Variants in ULBP1 observed in about 807,000 individuals in gnomAD.
ULBP1 encodes UL16 binding protein 1.
A neutral mutation model predicts 25.3 loss-of-function variants in ULBP1; 28 were observed. The observed-to-expected ratio is 1.10, with a 90% CI of 0.82 to 1.51. The LOEUF is 1.51. Ranked by LOEUF, ULBP1 falls within the 40% of genes most tolerant of loss-of-function variation. The pLI is 0.00. For synonymous variants in ULBP1, 129 were observed against 103.0 expected, an observed-to-expected ratio of 1.25 and a Z score of -1.53; for missense variants, 348 against 290.9, an observed-to-expected ratio of 1.20 and a Z score of -1.43.
chr6:149,973,302 G>A lies in ULBP1; in HGVS notation c.*1956G>A, dbSNP rs567029329. 6.6e-6 allele frequency: 1 copy of A among 152,296 alleles called. No homozygotes were observed. Among genetic ancestry groups the A allele is most frequent in the Non-Finnish European group, 1.5e-5 (1 of 68,036 alleles). The allele number at this position is 152,296 out of a possible 1,614,324, so 9.4% of individuals were successfully genotyped here. A position where few individuals can be genotyped will look rare whatever the true frequency, so the allele number is the denominator to read the frequency against. On this transcript the variant is annotated 3_prime_UTR_variant, in exon 5 of 5. Coordinates refer to ENST00000229708, the MANE Select transcript of ULBP1 (RefSeq NM_025218.4). Reference sequence around the variant, plus strand: ...TAAATTCGCATGAACCACAGATGCTGGAGATCACCAGACCGGGGAGAGAAG... The same window carrying A: ...TAAATTCGCATGAACCACAGATGCTAGAGATCACCAGACCGGGGAGAGAAG...
Position 149,973,529 on chromosome 6 carries a change from T to C in ULBP1, c.*2183T>C, listed in dbSNP as rs1043401792. Reference sequence around the variant, plus strand: ...AAGGCCAAAAACAAATGGGTTTAACTGACCAGAGCGAGAGAACTCTGCACT... The same window carrying C: ...AAGGCCAAAAACAAATGGGTTTAACCGACCAGAGCGAGAGAACTCTGCACT... On this transcript the variant is annotated 3_prime_UTR_variant, in exon 5 of 5. Coordinates refer to ENST00000229708, the MANE Select transcript of ULBP1 (RefSeq NM_025218.4). 3 of 152,202 alleles carry C rather than the reference T, an allele frequency of 2.0e-5. No homozygotes were observed. Among genetic ancestry groups the C allele is most frequent in the African/African-American group, 7.2e-5 (3 of 41,448 alleles). 9.4% of individuals were successfully genotyped at this position (152,202 alleles called of 1,614,324 possible). A position where few individuals can be genotyped will look rare whatever the true frequency, so the allele number is the denominator to read the frequency against.
At chr6:149,966,433 G>A (rs1209942905) in intron 1 of ULBP1, among the ~76,000 whole-genome samples, 1 of 152,140 alleles carries the variant, frequency 6.6e-6, no homozygotes, top group Admixed American at 6.5e-5. Context: ...TGTGAATGGA[G>A]GTCCTATGGT....
intron 1 of ULBP1, among the ~76,000 whole-genome samples, chr6:149,966,370 C>G (rs1779204785): frequency 6.6e-6 from 1 of 152,018 alleles, no homozygotes; most frequent in Non-Finnish European, 1.5e-5. Context: ...GTTGAAGAGT[C>G]ACAAGTGTGT....
intron 1 of ULBP1, among the ~76,000 whole-genome samples, chr6:149,964,814 C>A (rs1267913503): frequency 3.2e-5 from 4 of 125,982 alleles, no homozygotes; most frequent in African/African-American, 8.9e-5. Context: ...ACATCGTGAT[C>A]CCCCCCGAAC....
intron 3 of ULBP1, among the ~76,000 whole-genome samples, chr6:149,969,581 C>CTG (rs1779275497): frequency 6.6e-6 from 1 of 152,140 alleles, no homozygotes; most frequent in Admixed American, 6.5e-5. Flanking sequence ...GCTCTACCCA[C>CTG]CGCATTTCTC....
In ULBP1 at chr6:149,965,171, CCTCCCCGAACATCGCG is replaced by C. The variant is rs1562493191; in HGVS notation, c.85+1038_85+1053del. ...ATCGCGATCCCCCAGAACATCGCGGCCTCCCCGAACATCGCGGTCTCCCCGAACATCGCGATCCCCC... is the reference window on the plus strand; with the variant it reads ...ATCGCGATCCCCCAGAACATCGCGGCGTCTCCCCGAACATCGCGATCCCCC... On this transcript the variant is annotated intron_variant, in intron 1 of 4. Coordinates refer to ENST00000229708, the MANE Select transcript of ULBP1 (RefSeq NM_025218.4). Among the ~76,000 whole-genome samples, 4 of 80,204 alleles carry C rather than the reference CCTCCCCGAACATCGCG, an allele frequency of 5.0e-5. No homozygotes were observed. The African/African-American group carries it at 5.4e-4, about 11-fold the overall frequency. The allele number at this position is 80,204 out of a possible 152,430, so 52.6% of individuals were successfully genotyped here.
At chr6:149,969,688 G>A (rs61158421) in intron 3 of ULBP1, among the ~76,000 whole-genome samples, 2 of 151,952 alleles carry the variant, frequency 1.3e-5, no homozygotes, top group Non-Finnish European at 2.9e-5. Flanking sequence ...TCCCCTCATC[G>A]GTTTCTGTAA....
Position 149,969,072 on chromosome 6 carries a change from T to C in ULBP1, c.350-13T>C, listed in dbSNP as rs576180798. 4.8e-4 allele frequency: 767 copies of C among 1,613,222 alleles called. 8 individuals carry two copies. In the South Asian group the frequency reaches 5.6e-3, roughly 12 times the overall value. ...TTGTCAAGATCAGAGCTGATCTCTT[T>C]GCAATGGGGCAGAGCCCCTCACCCT... On this transcript the variant is annotated splice_polypyrimidine_tract_variant and intron_variant, in intron 2 of 4. Transcript: ENST00000229708.
chr6:149,971,307 C>T, intron 4 of ULBP1, 62 bp from the exon 5 acceptor site: 2 of 982,914 alleles, frequency 2.0e-6, no homozygotes, highest in Non-Finnish European at 2.4e-6. Flanking sequence ...GGAAGGATCA[C>T]CCAGGAGAAC....
intron 1 of ULBP1, 98 bp downstream of exon 1, chr6:149,964,232 G>T (rs537143763): frequency 1.5e-6 from 2 of 1,359,828 alleles, no homozygotes; most frequent in African/African-American, 3.0e-5. Context: ...TGGAAGGACC[G>T]GCGCGATCTC....
rs1779315215 is a variant in ULBP1 at position 149,971,393 on chromosome 6, C to G, written c.*47C>G. ...GGTGGAAAGTGATATCAAGAAGCCT[C>G]TGTTAGCCTGGTCTGGGTCCTGCTC... On this transcript the variant is annotated 3_prime_UTR_variant, in exon 5 of 5. Coordinates refer to ENST00000229708, the MANE Select transcript of ULBP1 (RefSeq NM_025218.4). 2 of 985,418 alleles carry G rather than the reference C, an allele frequency of 2.0e-6. No individual in the cohort carries two copies. Among genetic ancestry groups the G allele is most frequent in the Non-Finnish European group, 2.4e-6 (2 of 829,942 alleles). The allele number at this position is 985,418 out of a possible 1,614,324, so 61.0% of individuals were successfully genotyped here.
At position 149,969,226 on chromosome 6, in the gene ULBP1, G is replaced by A. The variant is rs1166497462; in HGVS notation, c.491G>A (p.Gly164Glu). ...AGAAAGTGGACAGCACTTCATCCTG[G>A]AGCCAAGAAGATGACAGAGAAGTGG... is the stretch of plus-strand genomic sequence containing the variant. ...NNRKWTALHP[G>E]AKKMTEKWEK... is the part of the protein sequence containing the mutation. The change falls in exon 3 of 5, where the codon GGA becomes GAA. Residue 164 changes from glycine to glutamate, a missense_variant. Physicochemically the swap from Gly to Glu is moderately conservative, Grantham distance 98. Coordinates refer to ENST00000229708, the MANE Select transcript of ULBP1 (RefSeq NM_025218.4). The A allele has an allele frequency of 1.2e-6, 2 of 1,614,226 alleles. No individual in the cohort carries two copies. The highest frequency in any genetic ancestry group is 1.1e-5 in the South Asian group (1 of 91,082).
At chr6:149,968,915 A>G in intron 2 of ULBP1, 45 bp downstream of exon 2, 1 of 1,582,256 alleles carries the variant, frequency 6.3e-7, no homozygotes, top group Non-Finnish European at 8.6e-7. Flanking sequence ...AGTAACTTAG[A>G]GTCATTTATT....
At chr6:149,969,949 G>A in intron 3 of ULBP1, 67 bp from the exon 4 acceptor site, 1 of 1,543,010 alleles carries the variant, frequency 6.5e-7, no homozygotes, top group Non-Finnish European at 8.8e-7. Flanking sequence ...GGTGGCAGGA[G>A]CTGAGGAGAC....
At chr6:149,966,687 G>C (rs1217413177) in intron 1 of ULBP1, among the ~76,000 whole-genome samples, 1 of 152,076 alleles carries the variant, frequency 6.6e-6, no homozygotes, top group Non-Finnish European at 1.5e-5. Context: ...ATGACCTAAA[G>C]GGTGAGGAGC....
intron 4 of ULBP1, among the ~76,000 whole-genome samples, chr6:149,970,660 G>T (rs1482447169): frequency 1.3e-5 from 2 of 152,228 alleles, no homozygotes; most frequent in African/African-American, 2.4e-5. Flanking sequence ...AAGCAGCTCG[G>T]GTCCCAGCAG....
chr6:149,970,733 T>C (rs1779299257), intron 4 of ULBP1, among the ~76,000 whole-genome samples: 1 of 152,244 alleles, frequency 6.6e-6, no homozygotes, highest in Non-Finnish European at 1.5e-5. Context: ...GCCAGGCCCC[T>C]TGGACCCATG....
In ULBP1 at chr6:149,964,035, A is replaced by G. The variant is rs200205009; in HGVS notation, c.-15A>G. 5 of 1,613,572 alleles carry G rather than the reference A, an allele frequency of 3.1e-6. No homozygotes were observed. Among genetic ancestry groups the G allele is most frequent in the Non-Finnish European group, 4.2e-6 (5 of 1,179,892 alleles). ...AACCATCAGCGCCTCCTGTCCACGG[A>G]GCTCCAGGTCTACAATGGCAGCGGC... is the stretch of plus-strand genomic sequence containing the variant. On this transcript the variant is annotated 5_prime_UTR_variant, in exon 1 of 5. Coordinates refer to ENST00000229708, the MANE Select transcript of ULBP1 (RefSeq NM_025218.4).
At position 149,965,357 on chromosome 6, in the gene ULBP1, G is replaced by C. The variant is rs1328780367; in HGVS notation, c.85+1223G>C. ...GGCTGAAGGCACTCAGTTCCCCTCC[G>C]GGGCTCCTTTCCGCCGAGTCCGCTT... On this transcript the variant is annotated intron_variant, in intron 1 of 4. Coordinates refer to ENST00000229708, the MANE Select transcript of ULBP1 (RefSeq NM_025218.4). 5.3e-5 allele frequency among the ~76,000 whole-genome samples: 8 copies of C among 152,204 alleles called. No individual in the cohort carries two copies. The East Asian group carries it at 1.3e-3, about 26-fold the overall frequency.
Sources: gnomAD v4.1 joint callset for allele counts (sites outside exome capture counted in the v4.1 genomes callset) on GRCh38, gnomAD v4.1.1 for gene constraint, MANE v1.5 for transcripts, NCBI Gene and HGNC (gene_info 2026-07-23, HGNC 2026-07-21) for gene names.